Variants in TNK2 observed in about 807,000 individuals in gnomAD.
The protein encoded by TNK2 is activated CDC42 kinase 1.
In TNK2, 83 loss-of-function variants were observed where a neutral mutation model predicts 101.8. That is an observed-to-expected ratio of 0.82 (90% CI 0.68 to 0.98). The LOEUF is 0.98. Among genes scored for constraint, TNK2 ranks in the 50% least tolerant of loss-of-function variants. The pLI is 0.00. For missense variants in TNK2, 1,665 were observed against 1,483.2 expected (o/e 1.12, Z -2.01); for synonymous variants, 804 against 633.0 (o/e 1.27, Z -4.06).
At chr3:195,895,998 C>A in intron 1 of TNK2, 1 of 361,440 alleles carries the variant, frequency 2.8e-6, no homozygotes, top group South Asian at 1.9e-5. Flanking sequence ...GCGGCCGGTT[C>A]CCCGCGCGCC....
Position 195,892,552 on chromosome 3 carries a change from C to T in TNK2, c.-18-3946G>A, listed in dbSNP as rs998745200. The T allele has an allele frequency of 5.0e-5, 76 of 1,520,954 alleles. No homozygotes were observed. In the African/African-American group the frequency reaches 6.7e-4, roughly 13 times the overall value. The allele number at this position is 1,520,954 out of a possible 1,614,324, so 94.2% of individuals were successfully genotyped here. ...TCCAGTGGCCTCGGCTCCGGAGCTTCGCACTCTGCCCAGGAGCCCCCCAAA... is the reference window on the plus strand; with the variant it reads ...TCCAGTGGCCTCGGCTCCGGAGCTTTGCACTCTGCCCAGGAGCCCCCCAAA... On this transcript the variant is annotated intron_variant, in intron 1 of 15. Transcript: ENST00000672887.
chr3:195,899,891 G>A (rs1761030299), intron 1 of TNK2, among the ~76,000 whole-genome samples: 1 of 150,374 alleles, frequency 6.7e-6, no homozygotes, highest in Non-Finnish European at 1.5e-5. Context: ...CTTCCCCCGT[G>A]AGCTGCTGCC....
intron 6 of TNK2, among the ~76,000 whole-genome samples, chr3:195,879,996 G>C (rs1024458007): frequency 1.3e-5 from 2 of 152,104 alleles, no homozygotes; most frequent in Non-Finnish European, 2.9e-5. Flanking sequence ...ACCTCTGCTC[G>C]CCCTGGGTGT....
rs111326019 is a variant in TNK2, at chr3:195,880,874, G to A, written c.887+1177C>T. Among the ~76,000 whole-genome samples, 192 of 29,804 alleles carry A rather than the reference G, an allele frequency of 6.4e-3. 1 individual carries two copies. Among genetic ancestry groups the A allele is most frequent in the Non-Finnish European group, 8.7e-3 (138 of 15,912 alleles). 19.6% of individuals were successfully genotyped at this position (29,804 alleles called of 152,430 possible). On this transcript the variant is annotated intron_variant, in intron 6 of 15. Transcript: ENST00000672887. ...CACAGCATCTAACCCTGTAACACCC[G>A]CCCCCCAGCAATGCCCCTTGGAGAG... is the stretch of plus-strand genomic sequence containing the variant.
Position 195,888,461 on chromosome 3 carries a change from T to C in TNK2, c.128A>G (p.Asn43Ser), listed in dbSNP as rs773134248. 5 of 1,613,930 alleles carry C rather than the reference T, an allele frequency of 3.1e-6. No homozygotes were observed. The highest frequency in any genetic ancestry group is 2.5e-6 in the Non-Finnish European group (3 of 1,179,944). Residue 43 changes from asparagine to serine, a missense_variant, in exon 2 of 16, where the codon AAT (asparagine) becomes AGT (serine). Around this residue, in one of 3 missense-constraint regions of TNK2, gnomAD observed 490 missense variants for 522.5 expected, o/e 0.94. Transcript: ENST00000672887. This position sits in a 1 kb window ranked among gnomAD's most constrained non-coding sequence, Gnocchi z 5.3. ...CATGCCGATCTTCTCCAGGTCCTCA[T>C]TCTTGACGTACTCAAAGTGGGACAG... ...TRLSHFEYVK[N>S]EDLEKIGMGR... is the part of the protein sequence containing the mutation.
intron 9 of TNK2, chr3:195,876,350 T>G: frequency 2.2e-6 from 1 of 452,990 alleles, no homozygotes; most frequent in South Asian, 1.6e-5. Context: ...TGGACACAGC[T>G]TCGCAAGTGG....
intron 1 of TNK2, among the ~76,000 whole-genome samples, chr3:195,905,255 A>C (rs1038782306): frequency 6.6e-6 from 1 of 152,168 alleles, no homozygotes; most frequent in African/African-American, 2.4e-5. Context: ...GCTGGAATGC[A>C]GTGGCGCAAT....
intron 1 of TNK2, among the ~76,000 whole-genome samples, chr3:195,890,658 C>T (rs1431512489): frequency 6.6e-6 from 1 of 152,030 alleles, no homozygotes; most frequent in African/African-American, 2.4e-5. Flanking sequence ...AGGCTGGTCT[C>T]GAACTCCTGA....
intron 1 of TNK2, among the ~76,000 whole-genome samples, chr3:195,899,699 T>C (rs1488474679): frequency 6.6e-6 from 1 of 152,194 alleles, no homozygotes; most frequent in African/African-American, 2.4e-5. Context: ...CTGTAACTCT[T>C]TGTATCAGCA....
chr3:195,894,148 C>T (rs1483827809), intron 1 of TNK2, among the ~76,000 whole-genome samples: 1 of 151,558 alleles, frequency 6.6e-6, no homozygotes, highest in Non-Finnish European at 1.5e-5. Flanking sequence ...CTTACCCTGG[C>T]ACCAAGCACA....
intron 9 of TNK2, among the ~76,000 whole-genome samples, chr3:195,873,913 C>G (rs1747269115): frequency 6.6e-6 from 1 of 152,344 alleles, no homozygotes; most frequent in Non-Finnish European, 1.5e-5. Context: ...CCACCACACA[C>G]AGCCACCCTG....
intron 9 of TNK2, among the ~76,000 whole-genome samples, chr3:195,877,129 A>G (rs1369590985): frequency 6.6e-6 from 1 of 151,986 alleles, no homozygotes; most frequent in Non-Finnish European, 1.5e-5. Context: ...CACGCTTGCA[A>G]TCCCATCCCT....
chr3:195,866,904 C>T lies in TNK2; in HGVS notation c.3146G>A (p.Gly1049Asp), dbSNP rs1158827809. The T allele has an allele frequency of 1.2e-6, 2 of 1,610,918 alleles. No homozygotes were observed. The highest frequency in any genetic ancestry group is 1.1e-5 in the South Asian group (1 of 90,666). The change falls in exon 15 of 16, where the codon GGC (glycine) becomes GAC (aspartate). Residue 1049 changes from glycine (G) to aspartate (D), a missense_variant. Gly to Asp is a moderately conservative substitution (Grantham distance 94, BLOSUM62 -1). This residue lies in a region of TNK2 where 1,136 missense variants were observed against 894.9 expected (regional missense o/e 1.27). Coordinates refer to ENST00000672887, the MANE Select transcript of TNK2 (RefSeq NM_001382273.1). ...QAGCHLLGSW[G>D]PAHHKR ...GCTCACTCACTTGTGGTGGGCAGGG[C>T]CCCAGGAGCCCAGAAGGTGGCAGCC...
chr3:195,896,450 AG>A (rs1760526780), intron 1 of TNK2, among the ~76,000 whole-genome samples: 1 of 152,266 alleles, frequency 6.6e-6, no homozygotes, highest in African/African-American at 2.4e-5. Context: ...ACACCAGGGT[AG>A]GTGGATGACT....
Position 195,863,811 on chromosome 3 carries a change from C to T in TNK2, c.*370G>A. Reference sequence around the variant, plus strand: ...GCCTGCCCAGGTCCAGCCTGGTTTCCTCCCAGTCTGTCACCCAGGGCAGGG... The same window carrying T: ...GCCTGCCCAGGTCCAGCCTGGTTTCTTCCCAGTCTGTCACCCAGGGCAGGG... On this transcript the variant is annotated 3_prime_UTR_variant, in exon 16 of 16. Transcript: ENST00000672887. The T allele has an allele frequency of 4.0e-6, 1 of 251,470 alleles. No individual in the cohort carries two copies. Among genetic ancestry groups the T allele is most frequent in the Non-Finnish European group, 7.6e-6 (1 of 131,478 alleles). The allele number at this position is 251,470 out of a possible 1,614,324, so 15.6% of individuals were successfully genotyped here.
intron 1 of TNK2, among the ~76,000 whole-genome samples, chr3:195,901,258 AATGGAGGCTC>A (rs938830000): frequency 1.3e-5 from 2 of 152,170 alleles, no homozygotes; most frequent in Non-Finnish European, 2.9e-5. Context: ...TGTCATCGGG[AATGGAGGCTC>A]ATGGAGGCTC....
chr3:195,899,048 A>G (rs934932020), intron 1 of TNK2, among the ~76,000 whole-genome samples: 1 of 152,068 alleles, frequency 6.6e-6, no homozygotes, highest in Non-Finnish European at 1.5e-5. Flanking sequence ...GTGAGCCAAG[A>G]TCGTACCACT....
At chr3:195,903,986 T>C (rs891678220) in intron 1 of TNK2, among the ~76,000 whole-genome samples, 1 of 152,094 alleles carries the variant, frequency 6.6e-6, no homozygotes. Context: ...TAAACAACGG[T>C]ACCATCTCAT....
Position 195,868,239 on chromosome 3 carries a change from AGGCGTAGTT to A in TNK2, c.2050_2058del (p.Asn684_Ala686del), listed in dbSNP as rs754705039. On this transcript the variant is annotated inframe_deletion, in exon 13 of 16. Coordinates refer to ENST00000672887, the MANE Select transcript of TNK2 (RefSeq NM_001382273.1). ...GGCGGCCGCGCCTGCTCAGGCACAA[AGGCGTAGTT>A]GGTCTGGCCCTGGCTGGGCCCGGCA... 1.9e-6 allele frequency: 3 copies of A among 1,605,700 alleles called. No homozygotes were observed. The highest frequency in any genetic ancestry group is 2.5e-6 in the Non-Finnish European group (3 of 1,179,448).
Sources: gnomAD v4.1 joint callset for allele counts (sites outside exome capture counted in the v4.1 genomes callset) on GRCh38, gnomAD v4.1.1 for gene constraint, gnomAD v4.1.1 regional missense constraint, Gnocchi (gnomAD v3.1) non-coding constraint, MANE v1.5 for transcripts, NCBI Gene and HGNC (gene_info 2026-07-23, HGNC 2026-07-21) for gene names.